The following BRD9 variants were observed in gnomAD, a reference collection of about 807,000 sequenced individuals.
BRD9 encodes the protein bromodomain containing 9.
In BRD9, 47 loss-of-function variants were observed where a neutral mutation model predicts 68.7. The ratio of observed to expected loss-of-function variants is 0.68; its 90% CI spans 0.54 to 0.87. The LOEUF (loss-of-function observed/expected upper bound fraction) is 0.87, where lower values mean the gene tolerates loss of function less well. BRD9 is among the 40% of genes least tolerant of loss of function. The pLI, the probability that BRD9 is intolerant of heterozygous loss-of-function variation, is 0.00. For missense variants in BRD9, 670 were observed against 748.4 expected, an observed-to-expected ratio of 0.90 and a Z score of 1.22; for synonymous variants, 313 against 293.9, an observed-to-expected ratio of 1.06 and a Z score of -0.67.
At chr5:885,876 G>A (rs1250745039) in intron 7 of BRD9, among the ~76,000 whole-genome samples, 1 of 152,348 alleles carries the variant, frequency 6.6e-6, no homozygotes, top group Non-Finnish European at 1.5e-5. Context: ...CATAGGTGGA[G>A]GAGCGTCTAC....
Position 865,292 on chromosome 5 carries a change from G to C in BRD9, c.1693+122C>G, listed in dbSNP as rs1431498605. 3.0e-6 allele frequency: 4 copies of C among 1,317,022 alleles called. No individual in the cohort carries two copies. The African/African-American group carries it at 5.9e-5, about 20-fold the overall frequency. 81.6% of individuals were successfully genotyped at this position (1,317,022 alleles called of 1,614,324 possible). On this transcript the variant is annotated intron_variant, in intron 15 of 15. Transcript: ENST00000467963. ...TCTGTGGAAACCGACCTCCACAACAGCACCGCTGCCCATGCAGCCTCCAGC... is the reference window on the plus strand; with the variant it reads ...TCTGTGGAAACCGACCTCCACAACACCACCGCTGCCCATGCAGCCTCCAGC...
chr5:887,601 G>A (rs1311626526), intron 5 of BRD9, 130 bp from the exon 6 acceptor site: 1 of 727,776 alleles, frequency 1.4e-6, no homozygotes, highest in East Asian at 2.5e-5. Flanking sequence ...TGGGCTCTCT[G>A]ATCTAAACAT....
chr5:876,458 C>G (rs1750944757), intron 11 of BRD9, among the ~76,000 whole-genome samples: 1 of 152,312 alleles, frequency 6.6e-6, no homozygotes, highest in African/African-American at 2.4e-5. Context: ...ATGCACACAG[C>G]CTAGAAACAC....
At chr5:891,884 C>G (rs1345237453) in intron 1 of BRD9, 30 bp from the exon 2 acceptor site, 44 of 1,549,050 alleles carry the variant, frequency 2.8e-5, no homozygotes, top group Non-Finnish European at 3.7e-5. Context: ...GTTCTACCCG[C>G]GTGCTCAGGT....
At chr5:872,148 C>T (rs6870890) in intron 12 of BRD9, among the ~76,000 whole-genome samples, 3,640 of 152,318 alleles carry the variant, frequency 0.024, 129 homozygotes, top group African/African-American at 0.084. Context: ...TGTCGGCCTC[C>T]GTGGCACACC....
At chr5:890,347 C>T (rs954136714) in intron 3 of BRD9, among the ~76,000 whole-genome samples, 2 of 152,232 alleles carry the variant, frequency 1.3e-5, no homozygotes, top group African/African-American at 2.4e-5. Context: ...TCCCCACTCC[C>T]TGATGTCCCA....
intron 6 of BRD9, 152 bp from the exon 7 acceptor site, chr5:886,859 C>A: frequency 7.4e-7 from 1 of 1,347,452 alleles, no homozygotes; most frequent in Non-Finnish European, 1.0e-6. Context: ...TGGTCACAGC[C>A]TCACCTGGCC....
intron 11 of BRD9, among the ~76,000 whole-genome samples, chr5:877,505 T>C (rs1359597354): frequency 6.6e-6 from 1 of 152,264 alleles, no homozygotes; most frequent in Admixed American, 6.5e-5. Context: ...AGACCTGATA[T>C]GTCAAGATGC....
chr5:891,300 G>C lies in BRD9; in HGVS notation c.268-13C>G. ...GCTTCTTCTCTTCCTGGGCGGCAGA[G>C]TCAAGGGAGTGAGAAAGGCAGGAGT... On this transcript the variant is annotated splice_polypyrimidine_tract_variant and intron_variant, in intron 2 of 15. Coordinates refer to ENST00000467963, the MANE Select transcript of BRD9 (RefSeq NM_023924.5). 1.3e-6 allele frequency: 2 copies of C among 1,550,422 alleles called. No homozygotes were observed.
chr5:873,979 G>C (rs1474349372), intron 12 of BRD9, among the ~76,000 whole-genome samples: 1 of 152,224 alleles, frequency 6.6e-6, no homozygotes, highest in Non-Finnish European at 1.5e-5. Flanking sequence ...AGACAAGCCT[G>C]GTAGGATCCG....
chr5:874,233 T>C (rs1560901237), intron 12 of BRD9, among the ~76,000 whole-genome samples: 1 of 152,250 alleles, frequency 6.6e-6, no homozygotes, highest in Non-Finnish European at 1.5e-5. Context: ...GTGGAGCTGA[T>C]GACAGGTGCA....
At chr5:891,109 C>T (rs1436085652) in intron 3 of BRD9, 46 bp downstream of exon 3, 12 of 1,503,104 alleles carry the variant, frequency 8.0e-6, no homozygotes, top group Admixed American at 2.1e-5. Flanking sequence ...TCATTTACAA[C>T]GATGAGCTGT....
intron 8 of BRD9, chr5:882,487 C>A (rs1751919525): frequency 1.2e-5 from 2 of 163,294 alleles, no homozygotes. Flanking sequence ...CCACAACCTC[C>A]CAACACGTGA....
intron 10 of BRD9, chr5:878,693 T>C: frequency 6.1e-6 from 4 of 652,522 alleles, no homozygotes; most frequent in Non-Finnish European, 1.0e-5. Context: ...ATTTTACTTC[T>C]GCAGGCCAAA....
At chr5:870,181 T>C (rs1473842400) in intron 14 of BRD9, 8 of 318,332 alleles carry the variant, frequency 2.5e-5, no homozygotes, top group Admixed American at 9.2e-5. Context: ...ATGGAGGCGG[T>C]AGGCAACACT....
At chr5:868,941 A>G in intron 14 of BRD9, 1 of 194,382 alleles carries the variant, frequency 5.1e-6, no homozygotes, top group South Asian at 9.1e-5. Flanking sequence ...GGGGCGCTGC[A>G]CCGGCAGCCT....
chr5:883,856 A>T, intron 8 of BRD9, 82 bp downstream of exon 8: 1 of 1,546,178 alleles, frequency 6.5e-7, no homozygotes, highest in Non-Finnish European at 8.7e-7. Flanking sequence ...GTGCTAGATC[A>T]CACAGCACCA....
At chr5:868,341 ACATCAGCACCAAAGCC>A (rs1424048669) in intron 14 of BRD9, among the ~76,000 whole-genome samples, 2 of 152,242 alleles carry the variant, frequency 1.3e-5, no homozygotes, top group Non-Finnish European at 2.9e-5. Context: ...ACACCACAGC[ACATCAGCACCAAAGCC>A]CATCAGCACC....
intron 7 of BRD9, among the ~76,000 whole-genome samples, chr5:884,370 G>A (rs747851527): frequency 7.2e-5 from 11 of 152,202 alleles, no homozygotes; most frequent in Admixed American, 2.0e-4. Context: ...AGTAACAGAT[G>A]CCCACACTGG....
Sources: allele counts gnomAD v4.1 joint callset (sites outside exome capture counted in the v4.1 genomes callset), GRCh38; gene constraint gnomAD v4.1.1; transcripts MANE v1.5; gene names NCBI Gene and HGNC (gene_info 2026-07-23, HGNC 2026-07-21).